The following CILK1 variants were observed in gnomAD, a reference collection of about 807,000 sequenced individuals.
CILK1 encodes ciliogenesis associated kinase 1.
In CILK1, 47 loss-of-function variants were observed where a neutral mutation model predicts 79.2. The ratio of observed to expected loss-of-function variants is 0.59; its 90% CI spans 0.47 to 0.76. The LOEUF is 0.76. CILK1 is among the 30% of genes least tolerant of loss of function. The probability of loss-of-function intolerance (pLI) is 0.00; values close to 1 mark genes in which losing one functional copy is unlikely to be tolerated. For missense variants in CILK1, 660 were observed against 769.5 expected (o/e 0.86, Z 1.68); for synonymous variants, 266 against 275.9 (o/e 0.96, Z 0.36).
chr6:53,007,499 T>G (rs1253215727), intron 12 of CILK1, among the ~76,000 whole-genome samples: 1 of 152,194 alleles, frequency 6.6e-6, no homozygotes, highest in Admixed American at 6.5e-5. Flanking sequence ...CATTTCTCAC[T>G]CATCAGATTA....
At chr6:53,059,251 C>T (rs1289117988) in intron 1 of CILK1, among the ~76,000 whole-genome samples, 9 of 152,124 alleles carry the variant, frequency 5.9e-5, no homozygotes, top group Admixed American at 3.9e-4. Context: ...CCCTATTTTG[C>T]ACATGAGATT....
intron 3 of CILK1, 32 bp from the exon 4 acceptor site, chr6:53,032,686 C>CA (rs1249214823): frequency 6.4e-7 from 1 of 1,552,204 alleles, no homozygotes; most frequent in Non-Finnish European, 8.8e-7. Context: ...CAAAACAAAA[C>CA]AAATATTAGA....
At chr6:53,055,791 G>A (rs1482546353) in intron 1 of CILK1, among the ~76,000 whole-genome samples, 1 of 152,176 alleles carries the variant, frequency 6.6e-6, no homozygotes, top group Non-Finnish European at 1.5e-5. Context: ...ATCACTTGCA[G>A]ATGATTTTTA....
chr6:53,013,919 C>T lies in CILK1; in HGVS notation c.895G>A (p.Asp299Asn). The T allele has an allele frequency of 1.2e-6, 2 of 1,614,000 alleles. No homozygotes were observed. Among genetic ancestry groups the T allele is most frequent in the Non-Finnish European group, 1.7e-6 (2 of 1,180,020 alleles). The change falls in exon 9 of 14, where the codon GAT becomes AAT. Residue 299 changes from aspartate (D) to asparagine (N), a missense_variant. Transcript: ENST00000676107. ...ATGCCTTTCTGTGGTTTTTCTGAAT[C>T]CTGAAGGTTTTGTGTGGTGCTGCCT... ...PLGSTTQNLQ[D>N]SEKPQKGILE...
intron 1 of CILK1, among the ~76,000 whole-genome samples, chr6:53,046,807 T>C (rs1767106190): frequency 6.6e-6 from 1 of 152,122 alleles, no homozygotes; most frequent in South Asian, 2.1e-4. Context: ...ACACAAAAAA[T>C]GTAGAAACTG....
In CILK1 at chr6:53,013,654, C is replaced by T. The variant is rs1282847120; in HGVS notation, c.1152+8G>A. 5 of 1,613,602 alleles carry T rather than the reference C, an allele frequency of 3.1e-6. No homozygotes were observed. In the East Asian group the frequency reaches 6.7e-5, roughly 22 times the overall value. ...CACGAAGCTCACTGGTGAATCTGGG[C>T]TGCTCACCGACTGTGGATGCTTGTT... On this transcript the variant is annotated splice_region_variant and intron_variant, in intron 9 of 13. Transcript: ENST00000676107.
chr6:53,006,150 C>G (rs1276338072), intron 13 of CILK1, among the ~76,000 whole-genome samples, 165 bp downstream of exon 13: 3 of 152,210 alleles, frequency 2.0e-5, no homozygotes, highest in African/African-American at 7.2e-5. Context: ...CAGTAAGCAT[C>G]TGACTTACTA....
chr6:53,046,109 A>G (rs529795701), intron 1 of CILK1, among the ~76,000 whole-genome samples: 1 of 152,222 alleles, frequency 6.6e-6, no homozygotes, highest in African/African-American at 2.4e-5. Flanking sequence ...GTAATCAAGC[A>G]TGTGTCTCTC....
At chr6:53,030,048 G>A (rs1313566193) in intron 5 of CILK1, among the ~76,000 whole-genome samples, 1 of 152,218 alleles carries the variant, frequency 6.6e-6, no homozygotes, top group African/African-American at 2.4e-5. Context: ...ACTCCAGGTA[G>A]TTGCTGGAAA....
chr6:53,009,329 T>C (rs2127404143), intron 12 of CILK1, 110 bp downstream of exon 12: 2 of 1,052,364 alleles, frequency 1.9e-6, no homozygotes, highest in Non-Finnish European at 3.0e-6. Context: ...AGCTTTCAGA[T>C]GACAAAGGCC....
chr6:53,030,557 C>G (rs1765870627), intron 5 of CILK1, among the ~76,000 whole-genome samples: 2 of 152,226 alleles, frequency 1.3e-5, no homozygotes, highest in Non-Finnish European at 2.9e-5. Flanking sequence ...AACCTCACCT[C>G]TGGCTATATC....
At chr6:53,037,889 A>C (rs160629) in intron 3 of CILK1, 50 bp downstream of exon 3, 1 of 1,100,326 alleles carries the variant, frequency 9.1e-7, no homozygotes, top group Admixed American at 1.7e-5. Flanking sequence ...AAGCATGTAC[A>C]AAGCTATTTT....
Position 53,016,171 on chromosome 6 carries a change from G to A in CILK1, c.743C>T (p.Thr248Ile). The change falls in exon 8 of 14, where the codon ACC becomes ATC. Residue 248 changes from threonine (T) to isoleucine (I), a missense_variant. Transcript: ENST00000676107. ...TTCACTGCTAGCATTGGGAATCAAG[G>A]TCTTTAAGTTATTGGGTACACACTG... ...WPQCVPNNLK[T>I]LIPNASSEAV... 1 of 1,614,100 alleles carries A rather than the reference G, an allele frequency of 6.2e-7. No homozygotes were observed. The highest frequency in any genetic ancestry group is 8.5e-7 in the Non-Finnish European group (1 of 1,179,950).
At chr6:53,027,014 G>C (rs1765622804) in intron 5 of CILK1, among the ~76,000 whole-genome samples, 2 of 152,190 alleles carry the variant, frequency 1.3e-5, no homozygotes, top group Non-Finnish European at 2.9e-5. Context: ...TGATGAATCA[G>C]ATATGAATAT....
intron 1 of CILK1, among the ~76,000 whole-genome samples, chr6:53,042,032 G>A (rs1015784792): frequency 6.6e-6 from 1 of 152,022 alleles, no homozygotes; most frequent in Non-Finnish European, 1.5e-5. Context: ...ATATGCTGTA[G>A]GAACTTAACT....
chr6:53,033,192 T>G (rs1766084595), intron 3 of CILK1, among the ~76,000 whole-genome samples: 1 of 152,196 alleles, frequency 6.6e-6, no homozygotes, highest in African/African-American at 2.4e-5. Flanking sequence ...CAATGTGAGT[T>G]TGAGTTACAG....
chr6:53,030,153 T>C (rs779714426), intron 5 of CILK1, among the ~76,000 whole-genome samples: 13 of 152,250 alleles, frequency 8.5e-5, no homozygotes, highest in Non-Finnish European at 1.6e-4. Flanking sequence ...GTGGTCATCG[T>C]TCCTTTGGAT....
intron 5 of CILK1, among the ~76,000 whole-genome samples, chr6:53,027,308 A>T (rs907062133): frequency 6.6e-6 from 1 of 152,224 alleles, no homozygotes; most frequent in Non-Finnish European, 1.5e-5. Flanking sequence ...TGTGACCTGG[A>T]TATCTGTAAG....
chr6:53,031,264 CAT>C (rs1444839625), intron 4 of CILK1, 120 bp from the exon 5 acceptor site: 6 of 673,646 alleles, frequency 8.9e-6, no homozygotes, highest in East Asian at 5.4e-5. Context: ...AATATAGTCA[CAT>C]GTTACAAAAA....
Sources: gnomAD v4.1 joint callset for allele counts (sites outside exome capture counted in the v4.1 genomes callset) on GRCh38, gnomAD v4.1.1 for gene constraint, MANE v1.5 for transcripts, NCBI Gene and HGNC (gene_info 2026-07-23, HGNC 2026-07-21) for gene names.